The following USP12 variants were observed in gnomAD, a reference collection of about 807,000 sequenced individuals.
USP12 encodes ubiquitin carboxyl-terminal hydrolase 12.
In USP12, 19 loss-of-function variants were observed where a neutral mutation model predicts 45.5. The observed-to-expected ratio is 0.42, with a 90% CI of 0.29 to 0.61. The LOEUF (loss-of-function observed/expected upper bound fraction) is 0.61. Among genes scored for constraint, USP12 ranks in the 20% least tolerant of loss-of-function variants. The pLI, the probability that USP12 is intolerant of heterozygous loss-of-function variation, is 0.22. For missense variants in USP12, 242 were observed against 447.7 expected, an observed-to-expected ratio of 0.54 and a Z score of 4.15; for synonymous variants, 149 against 148.8, an observed-to-expected ratio of 1.00 and a Z score of -0.01.
At chr13:27,084,169 TACACAC>T (rs374948699) in intron 6 of USP12, among the ~76,000 whole-genome samples, 4,781 of 142,418 alleles carry the variant, frequency 0.034, 139 homozygotes, top group Middle Eastern at 0.08. Context: ...CATGTTTGCA[TACACAC>T]ACACACACAC....
At chr13:27,074,257 G>T (rs913509967) in intron 7 of USP12, among the ~76,000 whole-genome samples, 5 of 152,086 alleles carry the variant, frequency 3.3e-5, no homozygotes, top group Non-Finnish European at 5.9e-5. Flanking sequence ...AAAATTAGCC[G>T]GGCGTGGTGG....
chr13:27,112,824 A>G (rs1473680401), intron 2 of USP12, among the ~76,000 whole-genome samples: 4 of 152,216 alleles, frequency 2.6e-5, no homozygotes, highest in Non-Finnish European at 5.9e-5. Flanking sequence ...CCATTTTTAG[A>G]TAAAAATAAA....
chr13:27,085,876 A>G (rs2137765413), intron 6 of USP12, among the ~76,000 whole-genome samples: 2 of 152,238 alleles, frequency 1.3e-5, no homozygotes, highest in East Asian at 3.9e-4. Context: ...CAAAAAAAAT[A>G]TACTATGCAG....
chr13:27,103,202 G>T (rs762144666), intron 3 of USP12, among the ~76,000 whole-genome samples: 22 of 152,098 alleles, frequency 1.4e-4, no homozygotes, highest in Non-Finnish European at 2.6e-4. Flanking sequence ...AAAGTCAGTG[G>T]AAATACTGAA....
intron 1 of USP12, among the ~76,000 whole-genome samples, chr13:27,167,260 C>A (rs1878387587): frequency 6.6e-6 from 1 of 150,642 alleles, no homozygotes. Context: ...GAAACTCCGT[C>A]TCAAAAAAAA....
intron 3 of USP12, 89 bp from the exon 4 acceptor site, chr13:27,095,919 T>A (rs553890930): frequency 1.2e-4 from 109 of 942,994 alleles, no homozygotes; most frequent in African/African-American, 7.4e-4. Context: ...TAGTATTGGA[T>A]CAGAACTAAA....
chr13:27,095,675 G>C lies in USP12; in HGVS notation c.499C>G (p.Pro167Ala), dbSNP rs1365125554. Residue 167 changes from proline (P) to alanine (A), a missense_variant, in exon 4 of 9, where the codon CCA becomes GCA. Pro to Ala is a conservative substitution (Grantham distance 27). Transcript: ENST00000282344. ...NIDNENNNST[P>A]DPTWVHEIFQ... ...ATCTCATGAACCCACGTTGGGTCTG[G>C]TGTGCTGTTATTATTTTCATTATCA... 1.2e-6 allele frequency: 2 copies of C among 1,613,020 alleles called. No individual in the cohort carries two copies. Among genetic ancestry groups the C allele is most frequent in the East Asian group, 4.5e-5 (2 of 44,770 alleles).
intron 6 of USP12, among the ~76,000 whole-genome samples, chr13:27,078,703 A>G (rs1395691173): frequency 2.0e-5 from 3 of 152,058 alleles, no homozygotes; most frequent in Non-Finnish European, 4.4e-5. Flanking sequence ...CTAAGAGAAC[A>G]TAACAATCTT....
chr13:27,110,412 T>C (rs1875382585), intron 2 of USP12, among the ~76,000 whole-genome samples: 2 of 152,186 alleles, frequency 1.3e-5, no homozygotes, highest in Non-Finnish European at 2.9e-5. Flanking sequence ...AATCTCCTAA[T>C]TGTCTGAATA....
chr13:27,156,936 A>G (rs2137838481), intron 1 of USP12, among the ~76,000 whole-genome samples: 1 of 152,326 alleles, frequency 6.6e-6, no homozygotes, highest in South Asian at 2.1e-4. Context: ...ACTAGACTAA[A>G]TACGGAGAGG....
intron 1 of USP12, among the ~76,000 whole-genome samples, chr13:27,142,849 C>G (rs1287556150): frequency 6.6e-6 from 1 of 152,100 alleles, no homozygotes; most frequent in Non-Finnish European, 1.5e-5. Flanking sequence ...AATCCAAGCA[C>G]TTTGGGAGGC....
intron 1 of USP12, among the ~76,000 whole-genome samples, chr13:27,166,519 A>G (rs921211250): frequency 6.6e-6 from 1 of 152,236 alleles, no homozygotes; most frequent in Admixed American, 6.5e-5. Context: ...CAACTGGCCA[A>G]CATGGATCAT....
chr13:27,116,451 A>G (rs1875746228), intron 2 of USP12, 65 bp downstream of exon 2: 4 of 1,426,430 alleles, frequency 2.8e-6, no homozygotes, highest in Non-Finnish European at 2.9e-6. Context: ...AACTTATGGA[A>G]TGCATTCATC....
chr13:27,151,985 C>T (rs1393096788), intron 1 of USP12, among the ~76,000 whole-genome samples: 1 of 152,072 alleles, frequency 6.6e-6, no homozygotes, highest in African/African-American at 2.4e-5. Context: ...GGAATGGCTA[C>T]AGTCAGAAAG....
intron 2 of USP12, among the ~76,000 whole-genome samples, chr13:27,110,105 G>A (rs903211051): frequency 2.3e-5 from 3 of 129,638 alleles, no homozygotes; most frequent in Non-Finnish European, 4.7e-5. Flanking sequence ...ATGCCATGAT[G>A]ACTAGGATTT....
At chr13:27,143,906 C>T (rs952598720) in intron 1 of USP12, among the ~76,000 whole-genome samples, 1 of 152,210 alleles carries the variant, frequency 6.6e-6, no homozygotes, top group African/African-American at 2.4e-5. Context: ...CTTATCTGTT[C>T]AAAAAGTCAG....
chr13:27,094,455 C>T (rs1053638222), intron 4 of USP12, among the ~76,000 whole-genome samples: 1 of 151,944 alleles, frequency 6.6e-6, no homozygotes, highest in Non-Finnish European at 1.5e-5. Context: ...TGATCTATAA[C>T]AGTGTCACTG....
intron 7 of USP12, among the ~76,000 whole-genome samples, chr13:27,071,922 T>C (rs1401961992): frequency 6.6e-6 from 1 of 152,164 alleles, no homozygotes; most frequent in African/African-American, 2.4e-5. Flanking sequence ...ATTGTAATTC[T>C]ATAATTAATA....
chr13:27,114,217 A>G (rs1030598037), intron 2 of USP12, among the ~76,000 whole-genome samples: 2 of 152,234 alleles, frequency 1.3e-5, no homozygotes, highest in African/African-American at 2.4e-5. Flanking sequence ...AAACAATGAA[A>G]AAAAAGCTAT....
Sources: gnomAD v4.1 joint callset for allele counts (sites outside exome capture counted in the v4.1 genomes callset) on GRCh38, gnomAD v4.1.1 for gene constraint, MANE v1.5 for transcripts, NCBI Gene and HGNC (gene_info 2026-07-23, HGNC 2026-07-21) for gene names.